Variants in SGCZ observed in about 807,000 individuals in gnomAD.
The protein encoded by SGCZ is sarcoglycan zeta.
Under a neutral mutation model 41.3 loss-of-function variants are expected in SGCZ, and 40 were observed. The ratio of observed to expected loss-of-function variants is 0.97; its 90% CI spans 0.75 to 1.26. The LOEUF (loss-of-function observed/expected upper bound fraction) is 1.26, where lower values mean the gene tolerates loss of function less well. Ranked by LOEUF, SGCZ falls within the 50% of genes most tolerant of loss-of-function variation. The pLI, the probability that SGCZ is intolerant of heterozygous loss-of-function variation, is 0.00. For synonymous variants in SGCZ, 206 were observed against 137.5 expected, an observed-to-expected ratio of 1.50 and a Z score of -3.49; for missense variants, 552 against 369.8, an observed-to-expected ratio of 1.49 and a Z score of -4.04.
At chr8:14,195,860 T>G (rs1805251132) in intron 4 of SGCZ, among the ~76,000 whole-genome samples, 1 of 152,182 alleles carries the variant, frequency 6.6e-6, no homozygotes, top group South Asian at 2.1e-4. Context: ...GTAGAATTAC[T>G]GAATAAATCA....
chr8:15,029,495 T>A (rs1439367989), intron 1 of SGCZ, among the ~76,000 whole-genome samples: 1 of 152,106 alleles, frequency 6.6e-6, no homozygotes, highest in Admixed American at 6.5e-5. Flanking sequence ...AGAAAGTTAG[T>A]ATGTTAACTA....
intron 2 of SGCZ, among the ~76,000 whole-genome samples, chr8:14,351,638 C>A (rs551464507): frequency 6.6e-6 from 1 of 151,142 alleles, no homozygotes; most frequent in East Asian, 1.9e-4. Context: ...ATTTTAGTAC[C>A]CACAAGGCAA....
At chr8:15,207,400 T>G (rs1408825032) in intron 1 of SGCZ, among the ~76,000 whole-genome samples, 1 of 152,070 alleles carries the variant, frequency 6.6e-6, no homozygotes, top group Non-Finnish European at 1.5e-5. Flanking sequence ...GTATCCATGT[T>G]TAAGGGACAG....
intron 2 of SGCZ, among the ~76,000 whole-genome samples, chr8:14,510,874 G>A (rs1009851448): frequency 3.3e-5 from 5 of 152,020 alleles, no homozygotes; most frequent in Non-Finnish European, 5.9e-5. Flanking sequence ...TTAAGGACTT[G>A]GGAAGCATCT....
At chr8:14,099,947 TCCATCATTTC>T (rs1801961307) in intron 7 of SGCZ, among the ~76,000 whole-genome samples, 16 of 57,674 alleles carry the variant, frequency 2.8e-4, no homozygotes, top group Non-Finnish European at 1.3e-4. Context: ...CTACATTTCA[TCCATCATTTC>T]ATCCATCATT....
chr8:15,056,999 G>A (rs1228551623), intron 1 of SGCZ, among the ~76,000 whole-genome samples: 5 of 152,164 alleles, frequency 3.3e-5, no homozygotes, highest in South Asian at 4.1e-4. Flanking sequence ...TTGCGTGCAC[G>A]AGGCTCTGAG....
chr8:14,718,292 G>A (rs1809762261), intron 1 of SGCZ, among the ~76,000 whole-genome samples: 2 of 151,706 alleles, frequency 1.3e-5, no homozygotes. Context: ...GGAGACAGCT[G>A]CTATAAGGAT....
intron 3 of SGCZ, among the ~76,000 whole-genome samples, chr8:14,269,091 G>C (rs148370831): frequency 3.3e-5 from 5 of 152,016 alleles, no homozygotes; most frequent in African/African-American, 1.2e-4. Context: ...TTTCACTCTT[G>C]TATATTCTCT....
At chr8:15,189,819 G>C (rs567547200) in intron 1 of SGCZ, among the ~76,000 whole-genome samples, 2 of 152,088 alleles carry the variant, frequency 1.3e-5, no homozygotes, top group Non-Finnish European at 2.9e-5. Flanking sequence ...CCAAAGTTCT[G>C]GGATTACAGG....
intron 1 of SGCZ, among the ~76,000 whole-genome samples, chr8:14,714,131 C>A (rs1020495861): frequency 1.8e-4 from 27 of 152,132 alleles, no homozygotes; most frequent in Non-Finnish European, 2.6e-4. Context: ...CCACGCCCAG[C>A]TAATTTTTTG....
At chr8:14,224,092 G>T (rs563790417) in intron 4 of SGCZ, among the ~76,000 whole-genome samples, 2 of 152,036 alleles carry the variant, frequency 1.3e-5, no homozygotes, top group Non-Finnish European at 2.9e-5. Context: ...CACTATTCTG[G>T]TACCCTTAGC....
At chr8:14,315,939 A>C (rs1185791824) in intron 3 of SGCZ, among the ~76,000 whole-genome samples, 1 of 151,888 alleles carries the variant, frequency 6.6e-6, no homozygotes, top group Non-Finnish European at 1.5e-5. Flanking sequence ...ATTAAATGAT[A>C]TGTCTATGTA....
chr8:14,325,346 A>C (rs1802056142), intron 2 of SGCZ, among the ~76,000 whole-genome samples: 1 of 151,954 alleles, frequency 6.6e-6, no homozygotes, highest in Non-Finnish European at 1.5e-5. Flanking sequence ...TTCACAACTA[A>C]GCATGAATAA....
Position 15,043,721 on chromosome 8 carries a change from T to C in SGCZ, c.39+193864A>G, listed in dbSNP as rs1480575511. Among the ~76,000 whole-genome samples, 11 of 152,126 alleles carry C rather than the reference T, an allele frequency of 7.2e-5. 1 individual carries two copies. The highest frequency in any genetic ancestry group is 7.2e-4 in the Admixed American group (11 of 15,258). ...ACATGAGGAAATACTTTTGGAATTC[T>C]TTAGAATAATCACAAGATAATATTT... On this transcript the variant is annotated intron_variant, in intron 1 of 7. Transcript: ENST00000382080.
At chr8:14,789,897 T>C (rs77530568) in intron 1 of SGCZ, among the ~76,000 whole-genome samples, 4,832 of 152,240 alleles carry the variant, frequency 0.032, 121 homozygotes, top group Non-Finnish European at 0.051. Context: ...TTCAATAAAA[T>C]TTCAGGCCCA....
At chr8:14,397,480 T>C (rs1175452111) in intron 2 of SGCZ, among the ~76,000 whole-genome samples, 2 of 152,146 alleles carry the variant, frequency 1.3e-5, no homozygotes, top group African/African-American at 4.8e-5. Flanking sequence ...AATCAAGCTG[T>C]GATAGTGTCC....
intron 2 of SGCZ, among the ~76,000 whole-genome samples, chr8:14,386,888 T>A (rs915771909): frequency 6.6e-6 from 1 of 152,184 alleles, no homozygotes; most frequent in Non-Finnish European, 1.5e-5. Flanking sequence ...AGTTAGCATA[T>A]TTTGATGAAT....
At chr8:14,465,186 T>C (rs953266685) in intron 2 of SGCZ, among the ~76,000 whole-genome samples, 15 of 151,882 alleles carry the variant, frequency 9.9e-5, no homozygotes, top group Admixed American at 9.2e-4. Context: ...CCTATTTTTG[T>C]ACAACTGTCT....
At chr8:14,407,048 A>G (rs180796490) in intron 2 of SGCZ, among the ~76,000 whole-genome samples, 296 of 148,254 alleles carry the variant, frequency 2.0e-3, no homozygotes, top group African/African-American at 6.5e-3. Context: ...GACAAATTCT[A>G]TAAGTTATGA....
Sources: gnomAD v4.1 joint callset for allele counts (sites outside exome capture counted in the v4.1 genomes callset) on GRCh38, gnomAD v4.1.1 for gene constraint, MANE v1.5 for transcripts, NCBI Gene and HGNC (gene_info 2026-07-23, HGNC 2026-07-21) for gene names.